Variants in RCBTB2 observed in about 807,000 individuals in gnomAD.
RCBTB2 encodes the protein RCC1 and BTB domain containing protein 2.
In RCBTB2, 55 loss-of-function variants were observed where a neutral mutation model predicts 65.4. The ratio of observed to expected loss-of-function variants is 0.84; its 90% CI spans 0.68 to 1.05. The LOEUF (loss-of-function observed/expected upper bound fraction) is 1.05. RCBTB2 is among the 50% of genes least tolerant of loss of function. The pLI is 0.00. For synonymous variants in RCBTB2, 220 were observed against 255.2 expected (o/e 0.86, Z 1.31); for missense variants, 599 against 680.1 (o/e 0.88, Z 1.33).
intron 12 of RCBTB2, among the ~76,000 whole-genome samples, chr13:48,500,124 A>G (rs1950166222): frequency 6.6e-6 from 1 of 152,216 alleles, no homozygotes; most frequent in South Asian, 2.1e-4. Flanking sequence ...GATGTCCTCT[A>G]AAAATTCCTG....
intron 14 of RCBTB2, among the ~76,000 whole-genome samples, chr13:48,495,255 G>A (rs929860246): frequency 3.3e-5 from 5 of 151,666 alleles, no homozygotes; most frequent in Admixed American, 1.3e-4. Flanking sequence ...AAAAAAATAA[G>A]CAAAGAGAAG....
intron 9 of RCBTB2, among the ~76,000 whole-genome samples, chr13:48,511,283 T>C (rs1950780995): frequency 6.6e-6 from 1 of 152,208 alleles, no homozygotes; most frequent in Non-Finnish European, 1.5e-5. Flanking sequence ...TTCCATGTCA[T>C]TAAAAATTCT....
At position 48,499,751 on chromosome 13, in the gene RCBTB2, A is replaced by G. The variant is rs1334155958; in HGVS notation, c.1254T>C (p.His418=). The change falls in exon 13 of 15, where the codon CAT becomes CAC. Residue 418 remains histidine (H), a synonymous_variant. Coordinates refer to ENST00000344532, the MANE Select transcript of RCBTB2 (RefSeq NM_001268.4). The part of the protein sequence containing the change: ...HKVLLKIRCE[H]FRSSLEDNED... ...CGTTATCTTCCAATGACGAACGAAAATGCTCACATCTGAAGGAAAAAAGCA... is the reference window on the plus strand; with the variant it reads ...CGTTATCTTCCAATGACGAACGAAAGTGCTCACATCTGAAGGAAAAAAGCA... 1 of 1,614,064 alleles carries G rather than the reference A, an allele frequency of 6.2e-7. No homozygotes were observed. Among genetic ancestry groups the G allele is most frequent in the Non-Finnish European group, 8.5e-7 (1 of 1,180,030 alleles).
At chr13:48,532,035 T>C (rs1028095081) in intron 1 of RCBTB2, 1 of 152,206 alleles carries the variant, frequency 6.6e-6, no homozygotes, top group Non-Finnish European at 1.5e-5. Context: ...ACCACTTTTA[T>C]TCAGCTCTGA....
rs754012315 is a variant in RCBTB2, at chr13:48,512,022, C to T, written c.669G>A (p.Thr223=). Residue 223 remains threonine (T), a synonymous_variant, in exon 8 of 15, where the codon ACG becomes ACA. Transcript: ENST00000344532. ...GQMCCMAVVD[T]GEVYVWGYNG... is the part of the protein sequence containing the mutation. ...TGTAAAATAACTTCCTTACCTCCCC[C>T]GTGTCTACTACTGCCATGCAGCACA... 5 of 1,613,536 alleles carry T rather than the reference C, an allele frequency of 3.1e-6. No individual in the cohort carries two copies. The highest frequency in any genetic ancestry group is 1.1e-5 in the South Asian group (1 of 91,062).
intron 4 of RCBTB2, among the ~76,000 whole-genome samples, chr13:48,515,962 C>T (rs1951065236): frequency 6.6e-6 from 1 of 152,210 alleles, no homozygotes; most frequent in Non-Finnish European, 1.5e-5. Flanking sequence ...GTCTCCCCTA[C>T]TCATTGTCCT....
intron 10 of RCBTB2, among the ~76,000 whole-genome samples, chr13:48,503,568 G>A (rs1480339801): frequency 2.0e-5 from 3 of 151,866 alleles, no homozygotes; most frequent in Non-Finnish European, 4.4e-5. Flanking sequence ...AGACAGAGGA[G>A]TCTTGCCTTG....
rs1356598767 is a variant in RCBTB2 at position 48,533,033 on chromosome 13, C to T, written c.-224G>A. The T allele has an allele frequency of 2.2e-6, 1 of 455,208 alleles. No homozygotes were observed. The highest frequency in any genetic ancestry group is 4.4e-6 in the Non-Finnish European group (1 of 226,408). 28.2% of individuals were successfully genotyped at this position (455,208 alleles called of 1,614,324 possible). A position where few individuals can be genotyped will look rare whatever the true frequency, so the allele number is the denominator to read the frequency against. The stretch of plus-strand genomic sequence containing the variant: ...CCACTCCTCCACCCTCTTACCTCCT[C>T]GCAGGCCGGAGCCTTGTCCGCTCCG... On this transcript the variant is annotated 5_prime_UTR_variant, in exon 1 of 15. Transcript: ENST00000344532.
At chr13:48,494,501 C>T (rs1949886537) in intron 14 of RCBTB2, among the ~76,000 whole-genome samples, 3 of 152,092 alleles carry the variant, frequency 2.0e-5, no homozygotes, top group Non-Finnish European at 2.9e-5. Context: ...TGTCAGACAC[C>T]GTCCTAGGCG....
chr13:48,522,355 G>A lies in RCBTB2; in HGVS notation c.-71C>T, dbSNP rs1951475315. ...TTGGAAAGTTCCAAATCACGGGGAA[G>A]AGCGGACATCAATTCTCAGCTCCAC... On this transcript the variant is annotated 5_prime_UTR_variant, in exon 3 of 15. Coordinates refer to ENST00000344532, the MANE Select transcript of RCBTB2 (RefSeq NM_001268.4). 6.5e-7 allele frequency: 1 copy of A among 1,527,136 alleles called. No individual in the cohort carries two copies. The highest frequency in any genetic ancestry group is 8.8e-7 in the Non-Finnish European group (1 of 1,139,434). The allele number at this position is 1,527,136 out of a possible 1,614,324, so 94.6% of individuals were successfully genotyped here.
intron 7 of RCBTB2, 116 bp downstream of exon 7, chr13:48,512,613 G>T: frequency 1.1e-6 from 1 of 871,058 alleles, no homozygotes; most frequent in Non-Finnish European, 1.8e-6. Context: ...CAAAAATAAG[G>T]CTGAATTTGA....
intron 1 of RCBTB2, among the ~76,000 whole-genome samples, chr13:48,530,067 T>G (rs1042408703): frequency 6.6e-6 from 1 of 152,068 alleles, no homozygotes; most frequent in Admixed American, 6.6e-5. Flanking sequence ...ATTTTTTTTT[T>G]GTTCGTTTTT....
rs9331999 is a variant in RCBTB2, at chr13:48,511,651, T to C, written c.783+119A>G. 5,941 of 819,938 alleles carry C rather than the reference T, an allele frequency of 7.2e-3. 34 individuals carry two copies. The highest frequency in any genetic ancestry group is 9.2e-3 in the Non-Finnish European group (4,906 of 534,050). 50.8% of individuals were successfully genotyped at this position (819,938 alleles called of 1,614,324 possible). On this transcript the variant is annotated intron_variant, in intron 9 of 14. Coordinates refer to ENST00000344532, the MANE Select transcript of RCBTB2 (RefSeq NM_001268.4). ...AAAAGAGACTTAACCTTTACTTTAA[T>C]GAAGACATCCAAGCAGCTAAACTTT...
chr13:48,533,315 G>A (rs968758294), upstream of RCBTB2: 73 of 301,768 alleles, frequency 2.4e-4, no homozygotes, highest in African/African-American at 1.4e-3. Flanking sequence ...GTCTCCCATT[G>A]GGGCCGCCTC....
intron 13 of RCBTB2, among the ~76,000 whole-genome samples, chr13:48,499,018 AC>A (rs1358109555): frequency 6.6e-6 from 1 of 151,928 alleles, no homozygotes; most frequent in Non-Finnish European, 1.5e-5. Context: ...ATCATCTCAC[AC>A]CTGAACCAAT....
At chr13:48,510,327 C>T (rs1284500515) in intron 10 of RCBTB2, among the ~76,000 whole-genome samples, 1 of 152,064 alleles carries the variant, frequency 6.6e-6, no homozygotes, top group Non-Finnish European at 1.5e-5. Context: ...AGGAGGAGGG[C>T]AAAAGGGTGA....
intron 2 of RCBTB2, among the ~76,000 whole-genome samples, chr13:48,523,338 T>C (rs1331980829): frequency 6.6e-6 from 1 of 152,222 alleles, no homozygotes; most frequent in Non-Finnish European, 1.5e-5. Flanking sequence ...TTTGTTTTGT[T>C]TTTAACTACA....
At chr13:48,524,874 G>A (rs577598017) in intron 1 of RCBTB2, 117 bp from the exon 2 acceptor site, 49 of 152,246 alleles carry the variant, frequency 3.2e-4, no homozygotes, top group African/African-American at 1.1e-3. Context: ...CTTAAAAATT[G>A]TATCTGTGCT....
chr13:48,501,201 G>A (rs1950217709), intron 12 of RCBTB2, among the ~76,000 whole-genome samples: 1 of 152,204 alleles, frequency 6.6e-6, no homozygotes, highest in African/African-American at 2.4e-5. Context: ...GTAGACATGT[G>A]TCAGCACTCA....
Sources: allele counts gnomAD v4.1 joint callset (sites outside exome capture counted in the v4.1 genomes callset), GRCh38; gene constraint gnomAD v4.1.1; transcripts MANE v1.5; gene names NCBI Gene and HGNC (gene_info 2026-07-23, HGNC 2026-07-21).